The following HNF1B variants were observed in gnomAD, a reference collection of about 807,000 sequenced individuals.
The protein encoded by HNF1B is hepatocyte nuclear factor 1-beta.
In HNF1B, 8 loss-of-function variants were observed where a neutral mutation model predicts 61.7. That is an observed-to-expected ratio of 0.13 (90% confidence interval 0.08 to 0.23). The LOEUF is 0.23. Ranked by LOEUF, HNF1B falls within the 10% of genes least tolerant of loss-of-function variation. HNF1B has a pLI of 1.00. For missense variants in HNF1B, 562 were observed against 714.5 expected (o/e 0.79, Z 2.43); for synonymous variants, 314 against 287.7 (o/e 1.09, Z -0.93).
chr17:37,721,454 A>G (rs2033311799), intron 4 of HNF1B, among the ~76,000 whole-genome samples: 1 of 152,166 alleles, frequency 6.6e-6, no homozygotes, highest in Admixed American at 6.5e-5. Context: ...CAGTCTTCAA[A>G]TAATAGCCTG....
At chr17:37,722,902 C>T (rs2033363272) in intron 4 of HNF1B, among the ~76,000 whole-genome samples, 1 of 152,042 alleles carries the variant, frequency 6.6e-6, no homozygotes. Flanking sequence ...TTAAATGCTC[C>T]TTCGCCTGAC....
intron 8 of HNF1B, among the ~76,000 whole-genome samples, chr17:37,689,715 T>G (rs746735161): frequency 6.6e-6 from 1 of 152,196 alleles, no homozygotes; most frequent in Non-Finnish European, 1.5e-5. Context: ...GACATCCTTA[T>G]TCTAAGAGGA....
At chr17:37,739,860 G>A (rs2147576651) in intron 1 of HNF1B, among the ~76,000 whole-genome samples, 1 of 152,058 alleles carries the variant, frequency 6.6e-6, no homozygotes, top group East Asian at 1.9e-4. Flanking sequence ...GAGGTTAGTG[G>A]GCAAAAGAGG....
intron 8 of HNF1B, among the ~76,000 whole-genome samples, chr17:37,694,325 A>T (rs1185510686): frequency 6.7e-6 from 1 of 150,116 alleles, no homozygotes; most frequent in African/African-American, 2.5e-5. Flanking sequence ...GCTACTCAGG[A>T]CTCTGAGGCA....
chr17:37,738,572 G>T (rs1468035392), intron 2 of HNF1B, among the ~76,000 whole-genome samples: 1 of 152,210 alleles, frequency 6.6e-6, no homozygotes, highest in Non-Finnish European at 1.5e-5. Flanking sequence ...AAAAGGATTG[G>T]ATCAAAGTAA....
intron 2 of HNF1B, among the ~76,000 whole-genome samples, chr17:37,737,704 G>A (rs192835160): frequency 7.9e-5 from 12 of 151,690 alleles, no homozygotes; most frequent in South Asian, 2.1e-4. Flanking sequence ...GTGTGGTGGC[G>A]GGCACCTGCA....
chr17:37,740,798 TC>T (rs1174156985), intron 1 of HNF1B, among the ~76,000 whole-genome samples: 1 of 152,364 alleles, frequency 6.6e-6, no homozygotes, highest in African/African-American at 2.4e-5. Flanking sequence ...GTTATACTTT[TC>T]ATTTCTCATA....
intron 4 of HNF1B, among the ~76,000 whole-genome samples, chr17:37,721,913 T>G (rs1327844001): frequency 1.3e-5 from 2 of 152,166 alleles, no homozygotes; most frequent in Non-Finnish European, 2.9e-5. Flanking sequence ...TGGGTTCAAG[T>G]GACCCTGCTA....
At chr17:37,724,926 G>GTATATATA (rs1188176052) in intron 4 of HNF1B, among the ~76,000 whole-genome samples, 1 of 138,298 alleles carries the variant, frequency 7.2e-6, no homozygotes, top group African/African-American at 2.8e-5. Flanking sequence ...GTGTGTGTGT[G>GTATATATA]TGTGTGTGTG....
At chr17:37,744,183 C>T (rs2034091140) in intron 1 of HNF1B, among the ~76,000 whole-genome samples, 1 of 152,224 alleles carries the variant, frequency 6.6e-6, no homozygotes, top group Non-Finnish European at 1.5e-5. Flanking sequence ...GCTCTGCTCC[C>T]GGGAAGTCGC....
intron 4 of HNF1B, among the ~76,000 whole-genome samples, chr17:37,717,512 AATT>A: frequency 6.6e-6 from 1 of 152,324 alleles, no homozygotes; most frequent in African/African-American, 2.4e-5. Context: ...ATTGTTCATA[AATT>A]ATGAGTAGAC....
At position 37,699,190 on chromosome 17, in the gene HNF1B, G is replaced by A. The variant is rs780554506; in HGVS notation, c.1539C>T (p.Tyr513=). The part of the protein sequence containing the change: ...AVTQLQNSHM[Y]AHKQEPPQYS... ...ACTGGGGGGGTTCCTGCTTGTGTGCGTACACTGGAGAGACAGAGTGAAGAC... is the reference window on the plus strand; with the variant it reads ...ACTGGGGGGGTTCCTGCTTGTGTGCATACACTGGAGAGACAGAGTGAAGAC... Residue 513 remains tyrosine (Y), a synonymous_variant, in exon 8 of 9, where the codon TAC becomes TAT. Transcript: ENST00000617811. 23 of 1,611,182 alleles carry A rather than the reference G, an allele frequency of 1.4e-5. No individual in the cohort carries two copies. The highest frequency in any genetic ancestry group is 1.2e-4 in the Admixed American group (7 of 59,996).
rs140172880 is a variant in HNF1B at position 37,709,305 on chromosome 17, A to G, written c.1206+1198T>C. 8.7e-4 allele frequency among the ~76,000 whole-genome samples: 132 copies of G among 152,324 alleles called. 2 individuals carry two copies. In the East Asian group the frequency reaches 0.023, roughly 27 times the overall value. ...AGTCTCACTCTGTTGCCCAGGCTGGAGTGCAGTGGTGTGAGCTCACTGCAA... is the reference window on the plus strand; with the variant it reads ...AGTCTCACTCTGTTGCCCAGGCTGGGGTGCAGTGGTGTGAGCTCACTGCAA... On this transcript the variant is annotated intron_variant, in intron 5 of 8. Coordinates refer to ENST00000617811, the MANE Select transcript of HNF1B (RefSeq NM_000458.4).
At chr17:37,710,747 G>T (rs1390224446) in intron 4 of HNF1B, 84 bp from the exon 5 acceptor site, 5 of 1,391,724 alleles carry the variant, frequency 3.6e-6, no homozygotes, top group African/African-American at 1.4e-5. Context: ...GTTTTCAAGG[G>T]TGGGTAATAA....
In HNF1B at chr17:37,731,865, G is replaced by T. The variant is rs574135373; in HGVS notation, c.810-35C>A. The T allele has an allele frequency of 3.6e-5, 51 of 1,403,336 alleles. No homozygotes were observed. The African/African-American group carries it at 4.1e-4, about 11-fold the overall frequency. 86.9% of individuals were successfully genotyped at this position (1,403,336 alleles called of 1,614,324 possible). A position where few individuals can be genotyped will look rare whatever the true frequency, so the allele number is the denominator to read the frequency against. On this transcript the variant is annotated intron_variant, in intron 3 of 8. Coordinates refer to ENST00000617811, the MANE Select transcript of HNF1B (RefSeq NM_000458.4). Reference sequence around the variant, plus strand: ...GATGGAGGGGAGATGGTGAGTGAGGGGGGGCGGGGGGACTTGTTGGTGCTT... The same window carrying T: ...GATGGAGGGGAGATGGTGAGTGAGGTGGGGCGGGGGGACTTGTTGGTGCTT...
At chr17:37,693,155 A>G (rs1336670002) in intron 8 of HNF1B, among the ~76,000 whole-genome samples, 3 of 137,064 alleles carry the variant, frequency 2.2e-5, no homozygotes, top group Admixed American at 1.7e-4. Flanking sequence ...ACACCATTGC[A>G]CTCCAGCCTG....
chr17:37,692,211 G>A (rs77763995), intron 8 of HNF1B, among the ~76,000 whole-genome samples: 285 of 152,346 alleles, frequency 1.9e-3, no homozygotes, highest in African/African-American at 6.2e-3. Flanking sequence ...TTCCTGACCT[G>A]TAATCCCCAA....
intron 4 of HNF1B, among the ~76,000 whole-genome samples, chr17:37,719,162 T>C (rs1186344918): frequency 6.6e-6 from 1 of 151,442 alleles, no homozygotes; most frequent in Non-Finnish European, 1.5e-5. Context: ...GATGGGGGGG[T>C]CTATGTTGCC....
At chr17:37,738,245 AAAC>A (rs1212718301) in intron 2 of HNF1B, among the ~76,000 whole-genome samples, 1 of 152,246 alleles carries the variant, frequency 6.6e-6, no homozygotes, top group Non-Finnish European at 1.5e-5. Context: ...TCTAAGCAGC[AAAC>A]AGCTCTCATG....
Sources: gnomAD v4.1 joint callset for allele counts (sites outside exome capture counted in the v4.1 genomes callset) on GRCh38, gnomAD v4.1.1 for gene constraint, MANE v1.5 for transcripts, NCBI Gene and HGNC (gene_info 2026-07-23, HGNC 2026-07-21) for gene names.